ANK2: variants seen among roughly 807,000 people sequenced by gnomAD.
ANK2 encodes ankyrin-2.
A neutral mutation model predicts 360.5 loss-of-function variants in ANK2; 83 were observed. The ratio of observed to expected loss-of-function variants is 0.23; its 90% CI spans 0.19 to 0.28. The LOEUF is 0.28. ANK2 is among the 10% of genes least tolerant of loss of function. The probability of loss-of-function intolerance (pLI) is 1.00; values close to 1 mark genes in which losing one functional copy is unlikely to be tolerated. For missense variants in ANK2, 4,201 were observed against 4,795.7 expected (o/e 0.88, Z 3.66); for synonymous variants, 1,740 against 1,759.5 (o/e 0.99, Z 0.28).
At chr4:113,004,675 T>G (rs965165603) in intron 2 of ANK2, among the ~76,000 whole-genome samples, 4 of 152,240 alleles carry the variant, frequency 2.6e-5, no homozygotes. Context: ...AGTAAATACA[T>G]AAACCAGTTA....
At chr4:112,852,733 C>T (rs2065306155) in intron 1 of ANK2, among the ~76,000 whole-genome samples, 1 of 151,964 alleles carries the variant, frequency 6.6e-6, no homozygotes, top group Non-Finnish European at 1.5e-5. Flanking sequence ...ATAATAATAC[C>T]CTTTTCTTCG....
intron 2 of ANK2, among the ~76,000 whole-genome samples, chr4:112,956,845 A>C (rs2095352619): frequency 6.6e-6 from 1 of 152,136 alleles, no homozygotes; most frequent in Non-Finnish European, 1.5e-5. Flanking sequence ...AACTGAATGA[A>C]GAGAATGAAG....
intron 2 of ANK2, among the ~76,000 whole-genome samples, chr4:112,971,012 G>T (rs1252509212): frequency 6.6e-6 from 1 of 151,598 alleles, no homozygotes; most frequent in Non-Finnish European, 1.5e-5. Context: ...CAGGTAAAAG[G>T]GGAAAATATA....
intron 23 of ANK2, among the ~76,000 whole-genome samples, chr4:113,309,811 T>C (rs900098130): frequency 2.0e-5 from 3 of 152,172 alleles, no homozygotes; most frequent in African/African-American, 7.2e-5. Flanking sequence ...TGAACCACTG[T>C]ACCTGGCCAA....
the ANK2 span, among the ~76,000 whole-genome samples, chr4:112,796,253 A>C: frequency 3.3e-5 from 5 of 152,166 alleles, no homozygotes; most frequent in South Asian, 4.1e-4. Flanking sequence ...GAGAAACTCC[A>C]TCTCTACTAA....
the ANK2 span, among the ~76,000 whole-genome samples, chr4:112,782,319 T>A: frequency 6.6e-6 from 1 of 152,226 alleles, no homozygotes; most frequent in Non-Finnish European, 1.5e-5. Context: ...TTCTCTCTAC[T>A]TTTGTTTATA....
At chr4:112,736,906 C>T in the ANK2 span, among the ~76,000 whole-genome samples, 3 of 152,262 alleles carry the variant, frequency 2.0e-5, no homozygotes, top group African/African-American at 7.2e-5. Context: ...CAGTAATTCT[C>T]CCTTGAAGGA....
At chr4:112,942,550 C>A (rs192378011) in intron 2 of ANK2, among the ~76,000 whole-genome samples, 3 of 151,784 alleles carry the variant, frequency 2.0e-5, no homozygotes, top group Non-Finnish European at 2.9e-5. Context: ...AGTGTACTGC[C>A]GCTTATGAGA....
At chr4:113,319,240 A>C (rs1193873315) in intron 26 of ANK2, among the ~76,000 whole-genome samples, 1 of 152,156 alleles carries the variant, frequency 6.6e-6, no homozygotes, top group Admixed American at 6.5e-5. Context: ...AAAAAATAGG[A>C]GTTTGAGTCA....
At chr4:113,198,915 T>C in intron 3 of ANK2, 96 bp from the exon 4 acceptor site, 1 of 990,294 alleles carries the variant, frequency 1.0e-6, no homozygotes, top group Non-Finnish European at 1.6e-6. Context: ...TTTTAATCGG[T>C]TAAAGTGATT....
intron 2 of ANK2, among the ~76,000 whole-genome samples, chr4:112,958,548 A>C (rs1031973348): frequency 1.3e-5 from 2 of 152,172 alleles, no homozygotes; most frequent in South Asian, 2.1e-4. Flanking sequence ...GCAGCAGTAC[A>C]GTCCAGCTTC....
intron 2 of ANK2, among the ~76,000 whole-genome samples, chr4:113,189,153 G>T (rs1233958179): frequency 2.0e-5 from 3 of 152,186 alleles, no homozygotes; most frequent in Non-Finnish European, 2.9e-5. Flanking sequence ...AGAGGAGAAA[G>T]TGACTAAGCC....
At chr4:113,245,170 T>C (rs1439887798) in intron 9 of ANK2, among the ~76,000 whole-genome samples, 1 of 152,170 alleles carries the variant, frequency 6.6e-6, no homozygotes, top group African/African-American at 2.4e-5. Flanking sequence ...TCATTCTGGC[T>C]ACAGCTAACA....
At chr4:113,013,475 T>A (rs2055473555) in intron 2 of ANK2, among the ~76,000 whole-genome samples, 1 of 152,196 alleles carries the variant, frequency 6.6e-6, no homozygotes, top group South Asian at 2.1e-4. Flanking sequence ...AATAGCTCTA[T>A]TTTTCTAATT....
chr4:113,178,142 G>A (rs1476287921), intron 2 of ANK2, among the ~76,000 whole-genome samples: 1 of 152,128 alleles, frequency 6.6e-6, no homozygotes, highest in African/African-American at 2.4e-5. Flanking sequence ...AGCACTTTGG[G>A]ATTACAGTGG....
Position 113,159,140 on chromosome 4 carries a change from T to C in ANK2, c.85-15276T>C, listed in dbSNP as rs1029546036. On this transcript the variant is annotated intron_variant, in intron 1 of 45. Transcript: ENST00000357077. ...TCCACCTTCAAGTAAATTGAAATTT[T>C]GTTCTGGAAGTAGCATATATGACTT... 8.7e-4 allele frequency among the ~76,000 whole-genome samples: 132 copies of C among 151,668 alleles called. 1 individual carries two copies. The highest frequency in any genetic ancestry group is 2.8e-4 in the Non-Finnish European group (19 of 67,940).
intron 1 of ANK2, among the ~76,000 whole-genome samples, chr4:112,887,823 C>T (rs931916937): frequency 1.3e-5 from 2 of 152,014 alleles, no homozygotes; most frequent in Non-Finnish European, 1.5e-5. Context: ...ACTGTAAGGT[C>T]CATGAGGCCA....
chr4:112,840,083 G>T (rs1480751477), intron 1 of ANK2, among the ~76,000 whole-genome samples: 1 of 152,210 alleles, frequency 6.6e-6, no homozygotes, highest in East Asian at 1.9e-4. Flanking sequence ...AGATGTATAG[G>T]ACATGGTCCT....
upstream of ANK2, chr4:113,049,621 C>CA: frequency 6.6e-7 from 1 of 1,513,410 alleles, no homozygotes; most frequent in Non-Finnish European, 8.9e-7. Context: ...GCCCCTTCCC[C>CA]ACCCCTCCTC....
Sources: allele counts gnomAD v4.1 joint callset (sites outside exome capture counted in the v4.1 genomes callset), GRCh38; gene constraint gnomAD v4.1.1; transcripts MANE v1.5; gene names NCBI Gene and HGNC (gene_info 2026-07-23, HGNC 2026-07-21).